RAB37: variants seen among roughly 807,000 people sequenced by gnomAD.
RAB37 encodes RAB37, member RAS oncogene family.
Under a neutral mutation model 33.1 loss-of-function variants are expected in RAB37, and 29 were observed. The observed-to-expected ratio is 0.88, with a 90% CI of 0.65 to 1.20. RAB37 has a LOEUF of 1.20. RAB37 is among the 50% of genes most tolerant of loss of function. The pLI is 0.00. For missense variants in RAB37, 299 were observed against 301.1 expected, an observed-to-expected ratio of 0.99 and a Z score of 0.05; for synonymous variants, 128 against 119.5, an observed-to-expected ratio of 1.07 and a Z score of -0.47.
intron 1 of RAB37, among the ~76,000 whole-genome samples, chr17:74,701,875 T>C (rs1598236555): frequency 1.4e-5 from 2 of 141,918 alleles, no homozygotes; most frequent in African/African-American, 2.6e-5. Flanking sequence ...AACAATTAGC[T>C]GGGTGTGGTG....
chr17:74,709,662 C>A (rs1431548576), intron 1 of RAB37, among the ~76,000 whole-genome samples: 2 of 152,032 alleles, frequency 1.3e-5, no homozygotes, highest in East Asian at 3.9e-4. Flanking sequence ...AAGTCCTGGG[C>A]TCAAGTGATC....
intron 1 of RAB37, among the ~76,000 whole-genome samples, chr17:74,701,774 TG>T (rs1174657524): frequency 6.8e-6 from 1 of 147,224 alleles, no homozygotes; most frequent in African/African-American, 2.5e-5. Context: ...CACATGAACC[TG>T]GGAGGTGGAA....
At chr17:74,678,281 C>T (rs1236087054) in intron 1 of RAB37, among the ~76,000 whole-genome samples, 5 of 152,110 alleles carry the variant, frequency 3.3e-5, no homozygotes, top group Non-Finnish European at 5.9e-5. Flanking sequence ...CCAAGAGAGA[C>T]AGCTCCAAGC....
At chr17:74,679,691 G>C (rs1394699645) in intron 1 of RAB37, among the ~76,000 whole-genome samples, 1 of 152,016 alleles carries the variant, frequency 6.6e-6, no homozygotes, top group African/African-American at 2.4e-5. Context: ...GGAAACAAAG[G>C]CCAGATGGCT....
intron 1 of RAB37, among the ~76,000 whole-genome samples, chr17:74,728,425 T>C (rs963273165): frequency 6.6e-6 from 1 of 151,956 alleles, no homozygotes; most frequent in African/African-American, 2.4e-5. Context: ...TATGTGTGCA[T>C]GTATGTTTTG....
intron 1 of RAB37, chr17:74,704,743 C>T (rs1013416426): frequency 3.1e-6 from 5 of 1,614,088 alleles, no homozygotes; most frequent in Admixed American, 1.7e-5. Context: ...TGTAAACACA[C>T]TGCACGGTCA....
At chr17:74,712,866 T>A (rs1163131716) in intron 1 of RAB37, 2 of 1,613,864 alleles carry the variant, frequency 1.2e-6, no homozygotes, top group South Asian at 1.1e-5. Context: ...AGCAGGGGCA[T>A]CTTCTCTTCA....
Position 74,676,904 on chromosome 17 carries a change from GCA to G in RAB37, c.72+5248_72+5249del, listed in dbSNP as rs1157749816. On this transcript the variant is annotated intron_variant, in intron 1 of 7. Transcript: ENST00000340415. This position sits in a 1 kb window ranked among gnomAD's most constrained non-coding sequence, Gnocchi z 4.1. ...ACGGTGGCTCACACCTGTAATCCCAGCACTTTGGGAGGCTGAGGCAGGTGGAT... is the reference window on the plus strand; with the variant it reads ...ACGGTGGCTCACACCTGTAATCCCAGCTTTGGGAGGCTGAGGCAGGTGGAT... Among the ~76,000 whole-genome samples, 1 of 152,134 alleles carries G rather than the reference GCA, an allele frequency of 6.6e-6. No homozygotes were observed. Among genetic ancestry groups the G allele is most frequent in the Non-Finnish European group, 1.5e-5 (1 of 68,032 alleles).
chr17:74,710,178 C>T (rs981877259), intron 1 of RAB37, among the ~76,000 whole-genome samples: 1 of 151,538 alleles, frequency 6.6e-6, no homozygotes, highest in Non-Finnish European at 1.5e-5. Flanking sequence ...TGGGGTTTCA[C>T]CGTAGCCAGG....
intron 1 of RAB37, among the ~76,000 whole-genome samples, chr17:74,675,211 T>C (rs8071012): frequency 0.39 from 59,346 of 151,820 alleles, 13,689 homozygotes; most frequent in African/African-American, 0.65. Context: ...CCAAGGAGGA[T>C]GAATCATGAG....
intron 1 of RAB37, among the ~76,000 whole-genome samples, chr17:74,674,004 C>A (rs1187791715): frequency 6.6e-6 from 1 of 152,166 alleles, no homozygotes; most frequent in African/African-American, 2.4e-5. Flanking sequence ...GTAGTAGAGT[C>A]CAAGGAGTTC....
At chr17:74,714,798 A>G (rs2143992552) in intron 1 of RAB37, among the ~76,000 whole-genome samples, 1 of 152,222 alleles carries the variant, frequency 6.6e-6, no homozygotes, top group Non-Finnish European at 1.5e-5. Flanking sequence ...GACCCCAGCA[A>G]GTCCCTAGGG....
intron 1 of RAB37, among the ~76,000 whole-genome samples, chr17:74,722,748 G>A (rs542999027): frequency 1.1e-4 from 16 of 152,242 alleles, no homozygotes; most frequent in South Asian, 4.1e-4. Flanking sequence ...CATATGTCTC[G>A]AAAATATCTT....
chr17:74,677,929 C>T (rs1418407926), intron 1 of RAB37, among the ~76,000 whole-genome samples: 1 of 152,140 alleles, frequency 6.6e-6, no homozygotes, highest in Non-Finnish European at 1.5e-5. Context: ...CTGAGACTCA[C>T]TTGTGTTGCT....
upstream of RAB37, among the ~76,000 whole-genome samples, chr17:74,734,842 CAAGA>C (rs1241499081): frequency 7.2e-6 from 1 of 138,258 alleles, no homozygotes; most frequent in Non-Finnish European, 1.5e-5. Flanking sequence ...AGCTCCACCT[CAAGA>C]AAGAAACAAA....
intron 1 of RAB37, among the ~76,000 whole-genome samples, chr17:74,674,950 A>T (rs2031792795): frequency 6.6e-6 from 1 of 152,144 alleles, no homozygotes; most frequent in Admixed American, 6.5e-5. Flanking sequence ...CAGAGAAGAG[A>T]TATTGTCGTA....
chr17:74,684,547 G>A (rs371402758), intron 1 of RAB37, among the ~76,000 whole-genome samples: 1 of 152,066 alleles, frequency 6.6e-6, no homozygotes, highest in Non-Finnish European at 1.5e-5. Context: ...CAGCACTTTC[G>A]GAGGCCGAGG....
At chr17:74,736,849 C>G (rs2144053258), upstream of RAB37, 3 of 1,526,424 alleles carry the variant, frequency 2.0e-6, no homozygotes, top group East Asian at 7.4e-5. Context: ...CCCCAGCTCC[C>G]CGCCTCGCCA....
chr17:74,699,832 C>G (rs2032872034), intron 1 of RAB37, among the ~76,000 whole-genome samples: 1 of 152,074 alleles, frequency 6.6e-6, no homozygotes. Context: ...CAAAGCACAC[C>G]CCTCTCTTTC....
Sources: gnomAD v4.1 joint callset for allele counts (sites outside exome capture counted in the v4.1 genomes callset) on GRCh38, gnomAD v4.1.1 for gene constraint, Gnocchi (gnomAD v3.1) non-coding constraint, MANE v1.5 for transcripts, NCBI Gene and HGNC (gene_info 2026-07-23, HGNC 2026-07-21) for gene names.